Variants in HTR1E observed in about 807,000 individuals in gnomAD.
HTR1E encodes the protein 5-hydroxytryptamine receptor 1E.
A neutral mutation model predicts 3.4 loss-of-function variants in HTR1E; 3 were observed. The observed-to-expected ratio is 0.89, with a 90% CI of 0.41 to 2.31. The LOEUF is 2.31. Among genes scored for constraint, HTR1E ranks in the 30% most tolerant of loss-of-function variants. The pLI is 0.05. For missense variants in HTR1E, 392 were observed against 467.0 expected (o/e 0.84, Z 1.48); for synonymous variants, 170 against 182.8 (o/e 0.93, Z 0.56).
intron 1 of HTR1E, chr6:86,970,575 T>C (rs558838577): frequency 6.0e-5 from 10 of 165,744 alleles, no homozygotes; most frequent in Non-Finnish European, 9.4e-5. Flanking sequence ...AAGGTGCTTG[T>C]AAAGGCAAGG....
At chr6:87,010,414 G>C (rs1391513295) in intron 1 of HTR1E, among the ~76,000 whole-genome samples, 13 of 149,656 alleles carry the variant, frequency 8.7e-5, no homozygotes, top group Admixed American at 5.3e-4. Context: ...GGGCTGAGGG[G>C]CTCCTCACTT....
At chr6:86,983,850 A>G (rs1767747633) in intron 1 of HTR1E, among the ~76,000 whole-genome samples, 2 of 152,120 alleles carry the variant, frequency 1.3e-5, no homozygotes, top group African/African-American at 2.4e-5. Context: ...CATTTTACTA[A>G]ACAATTAGTT....
At chr6:86,940,557 G>A (rs374821520) in intron 1 of HTR1E, among the ~76,000 whole-genome samples, 400 of 152,162 alleles carry the variant, frequency 2.6e-3, no homozygotes, top group African/African-American at 9.2e-3. Context: ...AGAAAAGAAA[G>A]AAAAAGAAAG....
At chr6:86,955,731 A>AGTGT (rs200915143) in intron 1 of HTR1E, among the ~76,000 whole-genome samples, 5 of 151,514 alleles carry the variant, frequency 3.3e-5, no homozygotes, top group Non-Finnish European at 5.9e-5. Flanking sequence ...AGTGAGAGAG[A>AGTGT]GTGTGTGTGT....
intron 1 of HTR1E, among the ~76,000 whole-genome samples, chr6:86,954,222 G>T (rs1483768037): frequency 6.6e-6 from 1 of 152,168 alleles, no homozygotes; most frequent in East Asian, 1.9e-4. Flanking sequence ...TGTAAAGCTG[G>T]CAGAGCCTGA....
At position 87,016,117 on chromosome 6, in the gene HTR1E, C is replaced by T; in HGVS notation, c.783C>T (p.Ala261=). The T allele has an allele frequency of 6.2e-7, 1 of 1,614,180 alleles. No individual in the cohort carries two copies. Among genetic ancestry groups the T allele is most frequent in the Middle Eastern group, 1.6e-4 (1 of 6,062 alleles). The change falls in exon 2 of 2, where the codon GCC becomes GCT. Residue 261 remains alanine, a synonymous_variant. Coordinates refer to ENST00000305344, the MANE Select transcript of HTR1E (RefSeq NM_000865.3). ...CCACAGAGTTTGAAAAGTTCCATGC[C>T]TCCATCAGGATCCCCCCCTTCGACA... ...DPTTEFEKFH[A]SIRIPPFDND... is the part of the protein sequence containing the mutation.
Position 86,937,611 on chromosome 6 carries a change from C to G in HTR1E, c.-398C>G, listed in dbSNP as rs2127813705. On this transcript the variant is annotated 5_prime_UTR_variant, in exon 1 of 2. Coordinates refer to ENST00000305344, the MANE Select transcript of HTR1E (RefSeq NM_000865.3). ...GCCCGGCGCGCCGCGCTCCCAGGTT[C>G]TGTCTCGCCGCACCCCGGCGGGCAC... 6.5e-6 allele frequency: 1 copy of G among 152,982 alleles called. No individual in the cohort carries two copies. Among genetic ancestry groups the G allele is most frequent in the African/African-American group, 2.4e-5 (1 of 41,594 alleles). The allele number at this position is 152,982 out of a possible 1,614,324, so 9.5% of individuals were successfully genotyped here.
At chr6:87,011,692 T>C (rs1768240010) in intron 1 of HTR1E, among the ~76,000 whole-genome samples, 1 of 152,172 alleles carries the variant, frequency 6.6e-6, no homozygotes, top group African/African-American at 2.4e-5. Context: ...CAGTCAAGCA[T>C]GTGGCCTGGT....
At chr6:86,998,902 G>C (rs1206861670) in intron 1 of HTR1E, among the ~76,000 whole-genome samples, 2 of 152,088 alleles carry the variant, frequency 1.3e-5, no homozygotes, top group African/African-American at 2.4e-5. Context: ...AGATAGTATA[G>C]GCTAAAAGGA....
chr6:86,999,539 CA>C (rs533687384), intron 1 of HTR1E, among the ~76,000 whole-genome samples: 243 of 152,282 alleles, frequency 1.6e-3, no homozygotes, highest in African/African-American at 5.5e-3. Flanking sequence ...GACTAAGCCA[CA>C]AAAAGCACCT....
At chr6:86,986,173 C>T (rs750177048) in intron 1 of HTR1E, among the ~76,000 whole-genome samples, 1 of 152,184 alleles carries the variant, frequency 6.6e-6, no homozygotes, top group Non-Finnish European at 1.5e-5. Flanking sequence ...GCATTCTTCA[C>T]ATTTTACAGA....
At chr6:87,014,052 T>C (rs1387609226) in intron 1 of HTR1E, among the ~76,000 whole-genome samples, 1 of 151,872 alleles carries the variant, frequency 6.6e-6, no homozygotes, top group East Asian at 1.9e-4. Flanking sequence ...TAGGTGGGAA[T>C]TGAACAATGA....
At chr6:86,997,059 T>C (rs1177885068) in intron 1 of HTR1E, among the ~76,000 whole-genome samples, 2 of 151,898 alleles carry the variant, frequency 1.3e-5, no homozygotes, top group Non-Finnish European at 2.9e-5. Context: ...GGCTGTATAA[T>C]CCACCAGATT....
At position 86,937,545 on chromosome 6, in the gene HTR1E, T is replaced by A. The variant is rs1422341060; in HGVS notation, c.-464T>A. On this transcript the variant is annotated 5_prime_UTR_variant, in exon 1 of 2. Transcript: ENST00000305344. ...CCTCTTCCAGTCCAGGCGCCCAGAC[T>A]CGGCGAAGCGCAGCGCCTGCCACCA... 1.3e-5 allele frequency: 2 copies of A among 152,770 alleles called. No homozygotes were observed. The highest frequency in any genetic ancestry group is 2.9e-5 in the Non-Finnish European group (2 of 68,400). The allele number at this position is 152,770 out of a possible 1,614,324, so 9.5% of individuals were successfully genotyped here.
At chr6:86,978,649 T>C (rs1767671063) in intron 1 of HTR1E, among the ~76,000 whole-genome samples, 1 of 152,316 alleles carries the variant, frequency 6.6e-6, no homozygotes, top group East Asian at 1.9e-4. Context: ...CAGCCAGAAA[T>C]ATCCTAATTG....
chr6:87,002,858 C>T lies in HTR1E; in HGVS notation c.-185-12292C>T, dbSNP rs117310063. 9.0e-3 allele frequency among the ~76,000 whole-genome samples: 1,371 copies of T among 152,266 alleles called. 10 individuals carry two copies. Among genetic ancestry groups the T allele is most frequent in the Non-Finnish European group, 0.015 (995 of 68,014 alleles). On this transcript the variant is annotated intron_variant, in intron 1 of 1. Coordinates refer to ENST00000305344, the MANE Select transcript of HTR1E (RefSeq NM_000865.3). ...TATTACAGCTAAGGAGAGAGATAGA[C>T]CTCAATACAGTAATAGCTGGAGACT...
chr6:86,972,366 GA>G (rs1204819800), intron 1 of HTR1E, among the ~76,000 whole-genome samples: 3 of 151,694 alleles, frequency 2.0e-5, no homozygotes, highest in African/African-American at 4.8e-5. Context: ...ATTTTCAGGG[GA>G]AAAAAAAGGT....
At chr6:86,941,587 A>C (rs1768546786) in intron 1 of HTR1E, among the ~76,000 whole-genome samples, 1 of 152,226 alleles carries the variant, frequency 6.6e-6, no homozygotes, top group Admixed American at 6.5e-5. Flanking sequence ...CTTTAGAAGA[A>C]GCTATGAAAC....
At chr6:87,002,948 T>A (rs1417323155) in intron 1 of HTR1E, among the ~76,000 whole-genome samples, 1 of 152,164 alleles carries the variant, frequency 6.6e-6, no homozygotes, top group African/African-American at 2.4e-5. Flanking sequence ...AAACATCAGA[T>A]TTAATCTGCA....
Sources: gnomAD v4.1 joint callset for allele counts (sites outside exome capture counted in the v4.1 genomes callset) on GRCh38, gnomAD v4.1.1 for gene constraint, MANE v1.5 for transcripts, NCBI Gene and HGNC (gene_info 2026-07-23, HGNC 2026-07-21) for gene names.